DYNC2I1: variants seen among roughly 807,000 people sequenced by gnomAD.
DYNC2I1 encodes the protein dynein 2 intermediate chain 1.
A neutral mutation model predicts 133.4 loss-of-function variants in DYNC2I1; 89 were observed. The ratio of observed to expected loss-of-function variants is 0.67; its 90% confidence interval spans 0.56 to 0.80. The LOEUF is 0.80. DYNC2I1 is among the 30% of genes least tolerant of loss of function. The pLI, the probability that DYNC2I1 is intolerant of heterozygous loss-of-function variation, is 0.00. For missense variants in DYNC2I1, 1,291 were observed against 1,314.5 expected (o/e 0.98, Z 0.28); for synonymous variants, 504 against 484.3 (o/e 1.04, Z -0.54).
At chr7:158,861,943 A>C (rs1437694844) in intron 1 of DYNC2I1, among the ~76,000 whole-genome samples, 2 of 152,212 alleles carry the variant, frequency 1.3e-5, no homozygotes, top group African/African-American at 2.4e-5. Flanking sequence ...ATTTGGCCCT[A>C]AGTAATTTGA....
At chr7:158,914,198 G>C in intron 13 of DYNC2I1, 35 bp from the exon 14 acceptor site, 1 of 1,550,584 alleles carries the variant, frequency 6.4e-7, no homozygotes, top group Non-Finnish European at 8.8e-7. Context: ...TTTTAGAGTC[G>C]ACTTCGTTGA....
intron 1 of DYNC2I1, among the ~76,000 whole-genome samples, chr7:158,863,462 ACT>A (rs1483136325): frequency 6.6e-6 from 1 of 151,296 alleles, no homozygotes; most frequent in Non-Finnish European, 1.5e-5. Flanking sequence ...ACAGAATGAG[ACT>A]CTTTAAATAA....
At chr7:158,932,696 A>C (rs1850347301) in intron 21 of DYNC2I1, among the ~76,000 whole-genome samples, 2 of 152,142 alleles carry the variant, frequency 1.3e-5, no homozygotes, top group South Asian at 4.1e-4. Context: ...GAACAGAGGA[A>C]GGGAGGCTGG....
At chr7:158,941,847 A>G in intron 23 of DYNC2I1, 78 bp from the exon 24 acceptor site, 1 of 1,499,826 alleles carries the variant, frequency 6.7e-7, no homozygotes, top group Non-Finnish European at 9.0e-7. Context: ...ACTGCACTCC[A>G]GGCTGGGTGA....
chr7:158,900,111 T>G (rs1846099606), intron 8 of DYNC2I1, among the ~76,000 whole-genome samples: 1 of 151,740 alleles, frequency 6.6e-6, no homozygotes, highest in Non-Finnish European at 1.5e-5. Flanking sequence ...AAACTGAATG[T>G]AATTCTTTTT....
At position 158,873,675 on chromosome 7, in the gene DYNC2I1, G is replaced by A. The variant is rs550331412; in HGVS notation, c.490+2113G>A. Among the ~76,000 whole-genome samples the A allele has an allele frequency of 1.4e-4, 22 of 152,304 alleles. No homozygotes were observed. The East Asian group carries it at 4.0e-3, about 28-fold the overall frequency. ...AGGGTCTTGCCCTGTCGCCCAGGTT[G>A]TAGTGCAGTGGTGTGATCACAGCCC... On this transcript the variant is annotated intron_variant, in intron 3 of 24. Coordinates refer to ENST00000407559, the MANE Select transcript of DYNC2I1 (RefSeq NM_018051.5).
intron 20 of DYNC2I1, among the ~76,000 whole-genome samples, chr7:158,928,622 C>T (rs1403165706): frequency 2.0e-5 from 3 of 152,192 alleles, no homozygotes; most frequent in Admixed American, 1.3e-4. Flanking sequence ...GGCACCCTCT[C>T]TGCTCATGGA....
chr7:158,841,851 T>C, the DYNC2I1 span, among the ~76,000 whole-genome samples: 2 of 152,340 alleles, frequency 1.3e-5, no homozygotes, highest in South Asian at 4.1e-4. Context: ...GTTCACATTT[T>C]AGATGGTTCT....
At chr7:158,944,646 G>A (rs1389384507) in intron 24 of DYNC2I1, among the ~76,000 whole-genome samples, 1 of 152,178 alleles carries the variant, frequency 6.6e-6, no homozygotes. Flanking sequence ...AGCAGGGAGG[G>A]GGTGCACTCA....
chr7:158,918,225 C>T (rs1003216956), intron 14 of DYNC2I1, among the ~76,000 whole-genome samples: 1 of 152,216 alleles, frequency 6.6e-6, no homozygotes, highest in Non-Finnish European at 1.5e-5. Flanking sequence ...CACTCTCTGC[C>T]TTCCTCACTT....
At chr7:158,885,755 C>T (rs1320215468) in intron 6 of DYNC2I1, among the ~76,000 whole-genome samples, 1 of 152,166 alleles carries the variant, frequency 6.6e-6, no homozygotes, top group African/African-American at 2.4e-5. Flanking sequence ...CAAATTTTTA[C>T]AAGTTTGGGC....
At chr7:158,844,955 G>C in the DYNC2I1 span, among the ~76,000 whole-genome samples, 1 of 151,880 alleles carries the variant, frequency 6.6e-6, no homozygotes, top group Non-Finnish European at 1.5e-5. Flanking sequence ...TCTGCACCTG[G>C]GAAGATCAGC....
intron 15 of DYNC2I1, among the ~76,000 whole-genome samples, chr7:158,919,253 C>G (rs528006961): frequency 6.6e-6 from 1 of 152,148 alleles, no homozygotes; most frequent in Non-Finnish European, 1.5e-5. Context: ...GTGTTCAGAT[C>G]AAAGTTGTGT....
At position 158,902,358 on chromosome 7, in the gene DYNC2I1, GATT is replaced by G. The variant is rs1397766300; in HGVS notation, c.1138-11_1138-9del. 6.2e-7 allele frequency: 1 copy of G among 1,603,654 alleles called. No homozygotes were observed. Among genetic ancestry groups the G allele is most frequent in the Admixed American group, 1.7e-5 (1 of 58,600 alleles). ...CAGTTTGTCTTAAAGGGTTCCAAAA[GATT>G]ATTATTGTTTGCAGGACTATGAAGA... On this transcript the variant is annotated splice_polypyrimidine_tract_variant and intron_variant, in intron 9 of 24. Transcript: ENST00000407559.
intron 23 of DYNC2I1, among the ~76,000 whole-genome samples, chr7:158,938,833 A>G (rs1405676057): frequency 1.3e-5 from 2 of 152,166 alleles, no homozygotes; most frequent in African/African-American, 4.8e-5. Context: ...CGCAAAAACA[A>G]AAAACTTATC....
At chr7:158,915,100 C>G (rs866595226) in intron 14 of DYNC2I1, among the ~76,000 whole-genome samples, 13 of 136,060 alleles carry the variant, frequency 9.6e-5, no homozygotes, top group Non-Finnish European at 2.2e-4. Context: ...TGCTGGTTGA[C>G]ATTAAGGATG....
At chr7:158,895,244 G>C (rs1362524357) in intron 8 of DYNC2I1, among the ~76,000 whole-genome samples, 1 of 152,130 alleles carries the variant, frequency 6.6e-6, no homozygotes, top group Non-Finnish European at 1.5e-5. Context: ...ATCTAGATTT[G>C]TCCTGTGCTA....
chr7:158,955,027 G>A (rs1444798481), intron 4 of DYNC2I1, among the ~76,000 whole-genome samples: 1 of 152,176 alleles, frequency 6.6e-6, no homozygotes, highest in East Asian at 1.9e-4. Context: ...TCACTGTTGG[G>A]TATTTTGGGG....
intron 15 of DYNC2I1, 38 bp downstream of exon 15, chr7:158,918,907 G>A (rs1848747149): frequency 1.9e-6 from 3 of 1,591,090 alleles, no homozygotes; most frequent in Non-Finnish European, 2.6e-6. Flanking sequence ...TAAATCCAGT[G>A]ACTAAACATT....
Sources: allele counts gnomAD v4.1 joint callset (sites outside exome capture counted in the v4.1 genomes callset), GRCh38; gene constraint gnomAD v4.1.1; transcripts MANE v1.5; gene names NCBI Gene and HGNC (gene_info 2026-07-23, HGNC 2026-07-21).